Variants in ADGRL2 observed in about 807,000 individuals in gnomAD.
The protein encoded by ADGRL2 is adhesion G protein-coupled receptor L2.
ADGRL2 carries 44 observed loss-of-function variants against 157.4 expected under a neutral mutation model. That is an observed-to-expected ratio of 0.28 (90% CI 0.22 to 0.36). The LOEUF (loss-of-function observed/expected upper bound fraction) is 0.36, where lower values mean the gene tolerates loss of function less well. Among genes scored for constraint, ADGRL2 ranks in the 10% least tolerant of loss-of-function variants. The pLI, the probability that ADGRL2 is intolerant of heterozygous loss-of-function variation, is 1.00. For synonymous variants in ADGRL2, 585 were observed against 624.7 expected (o/e 0.94, Z 0.95); for missense variants, 1,510 against 1,768.9 (o/e 0.85, Z 2.63).
chr1:81,677,627 A>G (rs1324628262), intron 3 of ADGRL2, among the ~76,000 whole-genome samples: 1 of 152,082 alleles, frequency 6.6e-6, no homozygotes, highest in Non-Finnish European at 1.5e-5. Context: ...ATATCTCTCA[A>G]TTATATTTTC....
At chr1:81,307,626 AT>A (rs1262254145) in intron 1 of ADGRL2, among the ~76,000 whole-genome samples, 1 of 152,172 alleles carries the variant, frequency 6.6e-6, no homozygotes, top group Non-Finnish European at 1.5e-5. Context: ...ATAAGATAGA[AT>A]TGAACATAAG....
At chr1:81,531,794 A>T (rs1261412821) in intron 2 of ADGRL2, among the ~76,000 whole-genome samples, 1 of 152,188 alleles carries the variant, frequency 6.6e-6, no homozygotes, top group Admixed American at 6.5e-5. Flanking sequence ...TATTGGCTGG[A>T]TTCCTGAAAC....
chr1:81,621,633 AG>A (rs2148712316), intron 3 of ADGRL2, among the ~76,000 whole-genome samples: 1 of 152,330 alleles, frequency 6.6e-6, no homozygotes, highest in Non-Finnish European at 1.5e-5. Context: ...TTTCTTCTTT[AG>A]TTGAGTCTCC....
intron 2 of ADGRL2, among the ~76,000 whole-genome samples, chr1:81,533,145 G>A (rs2079646304): frequency 2.0e-5 from 3 of 152,096 alleles, no homozygotes; most frequent in Non-Finnish European, 4.4e-5. Context: ...TTGGGAGGCC[G>A]AGGGGGGTGG....
At chr1:81,373,179 T>C (rs1178224659) in intron 1 of ADGRL2, among the ~76,000 whole-genome samples, 1 of 152,182 alleles carries the variant, frequency 6.6e-6, no homozygotes, top group Non-Finnish European at 1.5e-5. Context: ...TTTTAGAAAG[T>C]GTCCAATAAA....
intron 2 of ADGRL2, among the ~76,000 whole-genome samples, chr1:81,779,474 T>C (rs543575841): frequency 8.9e-4 from 136 of 152,336 alleles, no homozygotes; most frequent in Non-Finnish European, 1.7e-3. Context: ...CCTCATTTCA[T>C]ACTAAGGAAA....
Position 81,968,119 on chromosome 1 carries a change from G to T in ADGRL2, c.2443G>T (p.Asp815Tyr), listed in dbSNP as rs1161596453. 4 of 1,613,186 alleles carry T rather than the reference G, an allele frequency of 2.5e-6. No individual in the cohort carries two copies. Among genetic ancestry groups the T allele is most frequent in the Admixed American group, 1.7e-5 (1 of 59,818 alleles). ...YWSTQGCKLV[D>Y]TNKTRTTCAC... ...GTCTACCCAGGGCTGCAAGCTGGTT[G>T]ACACTAATAAAACTCGAACAACGTG... The change falls in exon 14 of 24, where the codon GAC becomes TAC. Residue 815 changes from aspartate to tyrosine, a missense_variant. Coordinates refer to ENST00000686636, the MANE Select transcript of ADGRL2 (RefSeq NM_001366006.2).
At chr1:81,774,523 C>A (rs1397201209) in intron 2 of ADGRL2, among the ~76,000 whole-genome samples, 3 of 152,154 alleles carry the variant, frequency 2.0e-5, no homozygotes, top group Non-Finnish European at 4.4e-5. Context: ...TCTATTGAAT[C>A]AGAATCTGTA....
chr1:81,745,494 A>T (rs1186020335), intron 1 of ADGRL2, among the ~76,000 whole-genome samples: 1 of 152,222 alleles, frequency 6.6e-6, no homozygotes, highest in Non-Finnish European at 1.5e-5. Flanking sequence ...CATATGATTC[A>T]ATCTAATACC....
intron 3 of ADGRL2, among the ~76,000 whole-genome samples, chr1:81,691,931 T>C (rs1490444111): frequency 6.7e-6 from 1 of 148,960 alleles, no homozygotes; most frequent in Non-Finnish European, 1.5e-5. Context: ...TATATATATA[T>C]ACACATACAG....
intron 1 of ADGRL2, among the ~76,000 whole-genome samples, chr1:81,746,096 TTTA>T (rs952904662): frequency 6.6e-6 from 1 of 152,180 alleles, no homozygotes; most frequent in Non-Finnish European, 1.5e-5. Flanking sequence ...GTACATTCTA[TTTA>T]TTTTGTGGAA....
chr1:81,358,045 C>T (rs1557624987), intron 1 of ADGRL2, among the ~76,000 whole-genome samples: 2 of 152,160 alleles, frequency 1.3e-5, no homozygotes, highest in African/African-American at 2.4e-5. Context: ...TCATTATACA[C>T]ATTAAACTAA....
At chr1:81,487,108 A>T (rs12728291) in intron 2 of ADGRL2, among the ~76,000 whole-genome samples, 91 of 135,504 alleles carry the variant, frequency 6.7e-4, no homozygotes, top group East Asian at 2.0e-3. Flanking sequence ...AAAAAAAAAA[A>T]AGAAAGTAAA....
intron 1 of ADGRL2, among the ~76,000 whole-genome samples, chr1:81,321,089 C>A (rs1660468714): frequency 6.6e-6 from 1 of 152,214 alleles, no homozygotes; most frequent in Non-Finnish European, 1.5e-5. Context: ...GCACTTGCTT[C>A]ACCTTGCAGT....
intron 1 of ADGRL2, among the ~76,000 whole-genome samples, chr1:81,363,852 A>C (rs2076019780): frequency 6.6e-6 from 1 of 152,154 alleles, no homozygotes; most frequent in Non-Finnish European, 1.5e-5. Flanking sequence ...AACAATATAA[A>C]AATGGAAGCC....
intron 16 of ADGRL2, among the ~76,000 whole-genome samples, chr1:81,970,844 T>C (rs1453779582): frequency 6.6e-6 from 1 of 152,172 alleles, no homozygotes; most frequent in Non-Finnish European, 1.5e-5. Flanking sequence ...CTTCTGAACT[T>C]AAAGCTTCTG....
chr1:81,306,309 A>C (rs898200002), exon 1 of ADGRL2: 3 of 152,122 alleles, frequency 2.0e-5, no homozygotes, highest in African/African-American at 7.2e-5. Flanking sequence ...CGTGGCTCTC[A>C]ATGCCTGGTT....
intron 2 of ADGRL2, among the ~76,000 whole-genome samples, chr1:81,888,533 G>A (rs1269210402): frequency 6.6e-6 from 1 of 152,080 alleles, no homozygotes; most frequent in Non-Finnish European, 1.5e-5. Flanking sequence ...CTGCCTCCTG[G>A]GTTCACGCCA....
intron 1 of ADGRL2, among the ~76,000 whole-genome samples, chr1:81,376,627 C>T (rs375938429): frequency 4.6e-5 from 7 of 150,914 alleles, no homozygotes; most frequent in African/African-American, 1.7e-4. Context: ...CTCCCTTTCT[C>T]TTCTTCTTTA....
Sources: gnomAD v4.1 joint callset for allele counts (sites outside exome capture counted in the v4.1 genomes callset) on GRCh38, gnomAD v4.1.1 for gene constraint, MANE v1.5 for transcripts, NCBI Gene and HGNC (gene_info 2026-07-23, HGNC 2026-07-21) for gene names.